Variants in ROBO2 observed in about 807,000 individuals in gnomAD.
The protein encoded by ROBO2 is roundabout guidance receptor 2, also known as roundabout homolog 2.
A neutral mutation model predicts 160.8 loss-of-function variants in ROBO2; 53 were observed. The ratio of observed to expected loss-of-function variants is 0.33; its 90% CI spans 0.26 to 0.41. ROBO2 has a LOEUF of 0.41. Ranked by LOEUF, ROBO2 falls within the 10% of genes least tolerant of loss-of-function variation. The pLI, the probability that ROBO2 is intolerant of heterozygous loss-of-function variation, is 1.00. For synonymous variants in ROBO2, 664 were observed against 611.7 expected (o/e 1.09, Z -1.26); for missense variants, 1,577 against 1,722.4 (o/e 0.92, Z 1.49).
chr3:76,513,189 A>G (rs1015311000), intron 2 of ROBO2, among the ~76,000 whole-genome samples: 1 of 152,150 alleles, frequency 6.6e-6, no homozygotes, highest in Admixed American at 6.5e-5. Flanking sequence ...ATTTTATTCA[A>G]ATAAAAATGG....
At chr3:76,221,188 G>T (rs1218029436) in intron 2 of ROBO2, among the ~76,000 whole-genome samples, 2 of 152,174 alleles carry the variant, frequency 1.3e-5, no homozygotes, top group East Asian at 1.9e-4. Context: ...AAGTCCTCTT[G>T]CCCAACAGAA....
chr3:76,724,083 T>TCATGA (rs1200197581), intron 2 of ROBO2, among the ~76,000 whole-genome samples: 1 of 152,198 alleles, frequency 6.6e-6, no homozygotes, highest in Admixed American at 6.5e-5. Flanking sequence ...ACCTCTGACA[T>TCATGA]CATGAATTCC....
At chr3:76,541,350 A>T (rs2082805668) in intron 2 of ROBO2, among the ~76,000 whole-genome samples, 1 of 152,238 alleles carries the variant, frequency 6.6e-6, no homozygotes, top group Non-Finnish European at 1.5e-5. Flanking sequence ...GCTATGCTTT[A>T]TCCGGCTCAG....
chr3:76,006,698 T>C (rs1254377742), intron 2 of ROBO2, among the ~76,000 whole-genome samples: 3 of 152,152 alleles, frequency 2.0e-5, no homozygotes, highest in Non-Finnish European at 2.9e-5. Flanking sequence ...GCCTGAAATA[T>C]AGTAGGTGCT....
At chr3:76,777,317 T>C (rs1030020268) in intron 2 of ROBO2, among the ~76,000 whole-genome samples, 2 of 151,090 alleles carry the variant, frequency 1.3e-5, no homozygotes, top group Admixed American at 1.3e-4. Flanking sequence ...GTGAAAAGAT[T>C]ATTGACTTTT....
At chr3:77,509,340 C>A (rs893792182) in intron 5 of ROBO2, among the ~76,000 whole-genome samples, 4 of 151,978 alleles carry the variant, frequency 2.6e-5, no homozygotes, top group Non-Finnish European at 5.9e-5. Flanking sequence ...CTTGTCTTCC[C>A]CAGCTTAACA....
chr3:77,153,504 A>C (rs2077712407), intron 2 of ROBO2, among the ~76,000 whole-genome samples: 1 of 152,092 alleles, frequency 6.6e-6, no homozygotes, highest in African/African-American at 2.4e-5. Flanking sequence ...TAATTTCTGA[A>C]ATTAAATTTA....
intron 2 of ROBO2, among the ~76,000 whole-genome samples, chr3:76,742,080 C>G (rs944915948): frequency 6.6e-6 from 1 of 151,874 alleles, no homozygotes; most frequent in South Asian, 2.1e-4. Flanking sequence ...TCATTATATA[C>G]GAAGATTTGA....
intron 2 of ROBO2, among the ~76,000 whole-genome samples, chr3:76,616,856 G>A (rs778775605): frequency 3.7e-4 from 56 of 152,042 alleles, no homozygotes; most frequent in Non-Finnish European, 6.8e-4. Context: ...AAACTCCGGG[G>A]CCCAAGTGAT....
chr3:76,885,476 C>A (rs533317216), intron 2 of ROBO2, among the ~76,000 whole-genome samples: 1 of 152,026 alleles, frequency 6.6e-6, no homozygotes, highest in Non-Finnish European at 1.5e-5. Flanking sequence ...AGCTGTTATA[C>A]GTTTTATCAT....
chr3:76,757,083 A>G (rs779562665), intron 2 of ROBO2, among the ~76,000 whole-genome samples: 7 of 151,848 alleles, frequency 4.6e-5, no homozygotes, highest in Non-Finnish European at 7.4e-5. Context: ...CAATCTATTT[A>G]AGGTATTTGT....
Position 77,271,216 on chromosome 3 carries a change from T to A in ROBO2, c.388+172876T>A, listed in dbSNP as rs993074798. 2.4e-4 allele frequency among the ~76,000 whole-genome samples: 37 copies of A among 152,190 alleles called. 1 individual carries two copies. Among genetic ancestry groups the A allele is most frequent in the African/African-American group, 7.7e-4 (32 of 41,450 alleles). ...AATGATAACATTGAATAATATTATCTCCTCTGCCTTGAAGAACTTTCAGTG... is the reference window on the plus strand; with the variant it reads ...AATGATAACATTGAATAATATTATCACCTCTGCCTTGAAGAACTTTCAGTG... On this transcript the variant is annotated intron_variant, in intron 2 of 25. Transcript: ENST00000461745.
At chr3:76,770,905 A>T (rs888455891) in intron 2 of ROBO2, among the ~76,000 whole-genome samples, 1 of 151,284 alleles carries the variant, frequency 6.6e-6, no homozygotes, top group African/African-American at 2.4e-5. Context: ...TACTTCCTTC[A>T]GCTGCTCTTC....
At chr3:76,056,820 A>C (rs553454370) in intron 2 of ROBO2, among the ~76,000 whole-genome samples, 1 of 152,278 alleles carries the variant, frequency 6.6e-6, no homozygotes, top group East Asian at 1.9e-4. Flanking sequence ...GCTAAAGTCT[A>C]CCCTATAATA....
chr3:77,534,971 T>C (rs1376218645), intron 6 of ROBO2, among the ~76,000 whole-genome samples: 2 of 152,296 alleles, frequency 1.3e-5, no homozygotes, highest in East Asian at 3.9e-4. Flanking sequence ...CTTTAAATAG[T>C]GCTATAAAAA....
intron 6 of ROBO2, among the ~76,000 whole-genome samples, chr3:77,529,943 ACTT>A (rs2091516094): frequency 6.6e-6 from 1 of 151,932 alleles, no homozygotes; most frequent in Non-Finnish European, 1.5e-5. Context: ...TTTTGTATCT[ACTT>A]CTTACATCAA....
At chr3:76,311,633 A>G (rs1315943324) in intron 2 of ROBO2, among the ~76,000 whole-genome samples, 2 of 152,230 alleles carry the variant, frequency 1.3e-5, no homozygotes, top group Admixed American at 1.3e-4. Context: ...GGGCTTTCAA[A>G]GCATTACAAT....
At chr3:76,556,827 A>C (rs2083823183) in intron 2 of ROBO2, among the ~76,000 whole-genome samples, 1 of 152,232 alleles carries the variant, frequency 6.6e-6, no homozygotes, top group East Asian at 1.9e-4. Flanking sequence ...ACACGTAAAA[A>C]ATAAGTTGTA....
chr3:76,195,593 G>A (rs913783553), intron 2 of ROBO2, among the ~76,000 whole-genome samples: 3 of 152,188 alleles, frequency 2.0e-5, no homozygotes, highest in Non-Finnish European at 4.4e-5. Flanking sequence ...ATTGTGTGTT[G>A]AAAGGAGTTC....
Sources: gnomAD v4.1 joint callset for allele counts (sites outside exome capture counted in the v4.1 genomes callset) on GRCh38, gnomAD v4.1.1 for gene constraint, MANE v1.5 for transcripts, NCBI Gene and HGNC (gene_info 2026-07-23, HGNC 2026-07-21) for gene names.